The following NXPH1 variants were observed in gnomAD, a reference collection of about 807,000 sequenced individuals.
NXPH1 encodes neurexophilin 1, also known as neurexophilin-1.
Under a neutral mutation model 23.7 loss-of-function variants are expected in NXPH1, and 5 were observed. The observed-to-expected ratio is 0.21, with a 90% confidence interval of 0.11 to 0.44. The LOEUF is 0.44. Among genes scored for constraint, NXPH1 ranks in the 20% least tolerant of loss-of-function variants. The pLI is 0.99. For missense variants in NXPH1, 324 were observed against 321.6 expected (o/e 1.01, Z -0.06); for synonymous variants, 144 against 122.2 (o/e 1.18, Z -1.18).
chr7:8,501,025 T>A (rs1359935129), intron 2 of NXPH1, among the ~76,000 whole-genome samples: 5 of 152,044 alleles, frequency 3.3e-5, no homozygotes, highest in African/African-American at 1.2e-4. Flanking sequence ...AAAGGTCTGG[T>A]CTGCAATTGT....
At chr7:8,726,302 T>A (rs577508971) in intron 2 of NXPH1, among the ~76,000 whole-genome samples, 3 of 151,806 alleles carry the variant, frequency 2.0e-5, no homozygotes, top group Non-Finnish European at 4.4e-5. Context: ...TACACTTTAC[T>A]GCAATAATTT....
Position 8,459,047 on chromosome 7 carries a change from A to G in NXPH1, c.54+23280A>G, listed in dbSNP as rs149242614. 2.3e-3 allele frequency among the ~76,000 whole-genome samples: 355 copies of G among 152,208 alleles called. 1 individual carries two copies. The highest frequency in any genetic ancestry group is 0.01 in the Middle Eastern group (3 of 294). On this transcript the variant is annotated intron_variant, in intron 2 of 2. Coordinates refer to ENST00000405863, the MANE Select transcript of NXPH1 (RefSeq NM_152745.3). ...TTACATAAAGCATTCCCCTTACCAT[A>G]AAGTAGCTTTTTGATTCTGATCTAT... is the stretch of plus-strand genomic sequence containing the variant.
At chr7:8,671,594 G>C (rs946892887) in intron 2 of NXPH1, among the ~76,000 whole-genome samples, 2 of 152,104 alleles carry the variant, frequency 1.3e-5, no homozygotes, top group Non-Finnish European at 2.9e-5. Flanking sequence ...TTCTACATGG[G>C]AGGAATGGTT....
intron 2 of NXPH1, among the ~76,000 whole-genome samples, chr7:8,627,231 T>A (rs1428456356): frequency 6.6e-6 from 1 of 152,080 alleles, no homozygotes; most frequent in African/African-American, 2.4e-5. Context: ...ACCTGGGAAC[T>A]CATGCATGAC....
intron 2 of NXPH1, among the ~76,000 whole-genome samples, chr7:8,678,951 T>TG (rs1821005009): frequency 3.7e-5 from 3 of 80,442 alleles, no homozygotes; most frequent in African/African-American, 1.2e-4. Context: ...TTTTTTTTTT[T>TG]TTTTTTTTTT....
chr7:8,456,111 C>T (rs936760779), intron 2 of NXPH1, among the ~76,000 whole-genome samples: 3 of 152,076 alleles, frequency 2.0e-5, no homozygotes, highest in East Asian at 1.9e-4. Context: ...CTGGGTTACA[C>T]GTGTTGGAAT....
At chr7:8,569,527 A>T (rs1818609206) in intron 2 of NXPH1, among the ~76,000 whole-genome samples, 1 of 151,906 alleles carries the variant, frequency 6.6e-6, no homozygotes, top group African/African-American at 2.4e-5. Flanking sequence ...TTTGGGACTT[A>T]CTTTAAAGCT....
intron 2 of NXPH1, among the ~76,000 whole-genome samples, chr7:8,467,211 A>G (rs758434818): frequency 6.6e-6 from 1 of 152,166 alleles, no homozygotes; most frequent in Non-Finnish European, 1.5e-5. Context: ...AATGATACTT[A>G]AAGTATGCCC....
At chr7:8,736,736 G>C (rs138081073) in intron 2 of NXPH1, among the ~76,000 whole-genome samples, 1 of 152,256 alleles carries the variant, frequency 6.6e-6, no homozygotes, top group East Asian at 1.9e-4. Context: ...GGGTGTTAAA[G>C]TCTCCCACAT....
chr7:8,640,435 A>AATAT (rs201932560), intron 2 of NXPH1, among the ~76,000 whole-genome samples: 4,176 of 151,098 alleles, frequency 0.028, 233 homozygotes, highest in East Asian at 0.17. Context: ...TTAAGTATTA[A>AATAT]ATATATATAT....
intron 2 of NXPH1, among the ~76,000 whole-genome samples, chr7:8,735,563 A>G (rs139513903): frequency 0.042 from 6,415 of 152,208 alleles, 461 homozygotes; most frequent in African/African-American, 0.15. Context: ...GGATTTTCAC[A>G]TTGATGTTCA....
chr7:8,519,720 C>T, intron 2 of NXPH1, among the ~76,000 whole-genome samples: 1 of 152,036 alleles, frequency 6.6e-6, no homozygotes, highest in East Asian at 1.9e-4. Flanking sequence ...ACTTGAAAGC[C>T]ATGCATGGGC....
intron 2 of NXPH1, among the ~76,000 whole-genome samples, chr7:8,662,067 C>A (rs1820684551): frequency 6.6e-6 from 1 of 151,682 alleles, no homozygotes; most frequent in Non-Finnish European, 1.5e-5. Context: ...AGATTCCAAC[C>A]AAAAAGTTGC....
intron 2 of NXPH1, among the ~76,000 whole-genome samples, chr7:8,578,180 G>A (rs534820404): frequency 6.6e-6 from 1 of 152,284 alleles, no homozygotes; most frequent in East Asian, 1.9e-4. Context: ...CTTCTATAAC[G>A]GAGGAGGGTA....
chr7:8,504,528 G>C lies in NXPH1; in HGVS notation c.54+68761G>C, dbSNP rs535885653. ...TCATCACAGAAACTGCAGCCACTCA[G>C]GAGCAGTTTCTATCTCTTAGTCATG... is the stretch of plus-strand genomic sequence containing the variant. On this transcript the variant is annotated intron_variant, in intron 2 of 2. Transcript: ENST00000405863. 5.3e-5 allele frequency among the ~76,000 whole-genome samples: 8 copies of C among 152,078 alleles called. No homozygotes were observed. In the South Asian group the frequency reaches 1.0e-3, roughly 20 times the overall value.
intron 2 of NXPH1, among the ~76,000 whole-genome samples, chr7:8,452,112 G>A (rs1345073882): frequency 3.3e-5 from 5 of 152,162 alleles, no homozygotes; most frequent in Non-Finnish European, 7.4e-5. Context: ...TTGGTCCCAG[G>A]CCCGGAAATG....
At chr7:8,711,899 G>T (rs1027682216) in intron 2 of NXPH1, among the ~76,000 whole-genome samples, 4 of 152,218 alleles carry the variant, frequency 2.6e-5, no homozygotes, top group Non-Finnish European at 5.9e-5. Flanking sequence ...AGCTGGGATA[G>T]AACAGGAAAG....
intron 2 of NXPH1, among the ~76,000 whole-genome samples, chr7:8,436,250 T>C (rs1379342743): frequency 6.6e-6 from 1 of 152,214 alleles, no homozygotes; most frequent in African/African-American, 2.4e-5. Flanking sequence ...CGCAGTTAAC[T>C]TTCTTTGACT....
chr7:8,595,398 A>G, intron 2 of NXPH1, among the ~76,000 whole-genome samples: 1 of 152,086 alleles, frequency 6.6e-6, no homozygotes, highest in Non-Finnish European at 1.5e-5. Context: ...AAATGAACTT[A>G]AAGCCATGTT....
Sources: gnomAD v4.1 joint callset for allele counts (sites outside exome capture counted in the v4.1 genomes callset) on GRCh38, gnomAD v4.1.1 for gene constraint, MANE v1.5 for transcripts, NCBI Gene and HGNC (gene_info 2026-07-23, HGNC 2026-07-21) for gene names.